Variants in ZNF850 observed in about 807,000 individuals in gnomAD.
ZNF850 encodes the protein putative zinc finger protein ENSP00000330994.
In ZNF850, 2 loss-of-function variants were observed where a neutral mutation model predicts 11.9. That is an observed-to-expected ratio of 0.17 (90% CI 0.07 to 0.53). The LOEUF is 0.53. Ranked by LOEUF, ZNF850 falls within the 20% of genes least tolerant of loss-of-function variation. The pLI, the probability that ZNF850 is intolerant of heterozygous loss-of-function variation, is 0.94. For synonymous variants in ZNF850, 381 were observed against 443.0 expected (o/e 0.86, Z 1.76); for missense variants, 1,014 against 1,316.4 (o/e 0.77, Z 3.55).
rs750764589 is a variant in ZNF850, at chr19:36,747,921, G to A, written c.3119C>T (p.Pro1040Leu). The change falls in exon 5 of 5, where the codon CCG (proline) becomes CTG (leucine). Residue 1040 changes from proline to leucine, a missense_variant. Around this residue, in one of 2 missense-constraint regions of ZNF850, gnomAD observed 179 missense variants for 294.4 expected, o/e 0.61. Transcript: ENST00000591344. ...ATAGAAAAAGGCTTTCCCACATTCC[G>A]GACATTGATAAGTTTTCTCACCAGT... ...IHTGEKTYQC[P>L]ECGKAFFYAS... is the part of the protein sequence containing the mutation. The A allele has an allele frequency of 3.1e-5, 49 of 1,562,996 alleles. 1 individual carries two copies. Among genetic ancestry groups the A allele is most frequent in the Middle Eastern group, 1.7e-4 (1 of 6,042 alleles).
At chr19:36,766,331 CA>C (rs2040549418) in intron 1 of ZNF850, among the ~76,000 whole-genome samples, 2 of 151,942 alleles carry the variant, frequency 1.3e-5, no homozygotes, top group South Asian at 2.1e-4. Flanking sequence ...TTGAGGGAGA[CA>C]GGGAAAAGAG....
chr19:36,753,246 G>A (rs1304269273), intron 4 of ZNF850, among the ~76,000 whole-genome samples: 69 of 146,436 alleles, frequency 4.7e-4, no homozygotes, highest in African/African-American at 1.7e-3. Flanking sequence ...TCCAGCCTGG[G>A]CGACAGAGCG....
chr19:36,768,069 T>C (rs1292347432), intron 1 of ZNF850, among the ~76,000 whole-genome samples: 2 of 152,020 alleles, frequency 1.3e-5, no homozygotes, highest in African/African-American at 2.4e-5. Context: ...AAGTCAAGCC[T>C]GGGAAATATA....
rs2040594444 is a variant in ZNF850 at position 36,772,791 on chromosome 19, G to A, written c.-136C>T. The A allele has an allele frequency of 6.6e-6, 1 of 152,332 alleles. No individual in the cohort carries two copies. 9.4% of individuals were successfully genotyped at this position (152,332 alleles called of 1,614,324 possible). ...GTTCCTCAGGACTCCAAGGCGCGGC[G>A]GCAGCTAAATCGGCACAGCAAACGG... On this transcript the variant is annotated 5_prime_UTR_variant, in exon 1 of 5. Coordinates refer to ENST00000591344, the MANE Select transcript of ZNF850 (RefSeq NM_001193552.2).
chr19:36,748,968 T>C lies in ZNF850; in HGVS notation c.2072A>G (p.His691Arg), dbSNP rs2040432607. 6 of 1,598,834 alleles carry C rather than the reference T, an allele frequency of 3.8e-6. No individual in the cohort carries two copies. The highest frequency in any genetic ancestry group is 1.1e-5 in the South Asian group (1 of 89,712). ...AFRQRTYLNQHRRIHTGEKPY... is the reference protein window; with the variant it reads ...AFRQRTYLNQRRRIHTGEKPY... ...TTTCTCACCAGTATGAATTCTCCGA[T>C]GTTGATTAAGGTATGTACGCTGTCT... Residue 691 changes from histidine to arginine, a missense_variant, in exon 5 of 5, where the codon CAT becomes CGT. Physicochemically the swap from His to Arg is conservative, Grantham distance 29. Coordinates refer to ENST00000591344, the MANE Select transcript of ZNF850 (RefSeq NM_001193552.2).
intron 1 of ZNF850, among the ~76,000 whole-genome samples, chr19:36,768,825 T>C (rs2040563475): frequency 6.6e-6 from 1 of 151,940 alleles, no homozygotes; most frequent in African/African-American, 2.4e-5. Flanking sequence ...TAGCCCAGCA[T>C]GGTGCCATAT....
chr19:36,767,363 C>A (rs145947199), intron 1 of ZNF850, among the ~76,000 whole-genome samples: 70 of 152,076 alleles, frequency 4.6e-4, no homozygotes, highest in African/African-American at 1.4e-3. Flanking sequence ...TCCAGACCAG[C>A]CTGGCCAACA....
rs1189973371 is a variant in ZNF850, at chr19:36,747,871, T to A, written c.3169A>T (p.Ser1057Cys). Residue 1057 changes from serine (S) to cysteine (C), a missense_variant, in exon 5 of 5, where the codon AGT (serine) becomes TGT (cysteine). Coordinates refer to ENST00000591344, the MANE Select transcript of ZNF850 (RefSeq NM_001193552.2). Reference protein sequence around the residue: ...FYASGLSRHQSVHTGEKPYEC... With the variant: ...FYASGLSRHQCVHTGEKPYEC... The stretch of plus-strand genomic sequence containing the variant: ...TAGGGTTTCTCGCCAGTGTGAACAC[T>A]CTGATGTCGGCTGAGTCCTGAGGCA... 6.3e-7 allele frequency: 1 copy of A among 1,579,876 alleles called. No homozygotes were observed. Among genetic ancestry groups the A allele is most frequent in the Non-Finnish European group, 8.6e-7 (1 of 1,166,648 alleles).
chr19:36,743,717 G>A lies in ZNF850; in HGVS notation c.*4050C>T, dbSNP rs539965055. 6 of 152,114 alleles carry A rather than the reference G, an allele frequency of 3.9e-5. No homozygotes were observed. The South Asian group carries it at 1.2e-3, about 32-fold the overall frequency. 9.4% of individuals were successfully genotyped at this position (152,114 alleles called of 1,614,324 possible). On this transcript the variant is annotated 3_prime_UTR_variant, in exon 5 of 5. Coordinates refer to ENST00000591344, the MANE Select transcript of ZNF850 (RefSeq NM_001193552.2). The stretch of plus-strand genomic sequence containing the variant: ...TAGAAATAAGTAAAACAAGAAATGT[G>A]TACACTTTTATGCTAAAAATATAAA...
rs2040426020 is a variant in ZNF850, at chr19:36,748,313, A to G, written c.2727T>C (p.Arg909=). ...TTCGTTGATGTTGAGTAAGTTTTGA[A>G]CGACGTCTAAAGGCCTTGCCACATT... ...CKECGKAFRR[R]SKLTQHQRIH... The change falls in exon 5 of 5, where the codon CGT becomes CGC. Residue 909 remains arginine, a synonymous_variant. Transcript: ENST00000591344. The G allele has an allele frequency of 6.3e-7, 1 of 1,584,496 alleles. No homozygotes were observed. Among genetic ancestry groups the G allele is most frequent in the Non-Finnish European group, 8.6e-7 (1 of 1,168,662 alleles).
chr19:36,753,422 C>CA (rs58851544), intron 4 of ZNF850, among the ~76,000 whole-genome samples: 8,605 of 46,274 alleles, frequency 0.19, 2,030 homozygotes, highest in Non-Finnish European at 0.26. Flanking sequence ...GACACTGTCT[C>CA]AAAAAAAAAA....
At chr19:36,766,735 C>T (rs925693941) in intron 1 of ZNF850, among the ~76,000 whole-genome samples, 1 of 152,194 alleles carries the variant, frequency 6.6e-6, no homozygotes, top group Non-Finnish European at 1.5e-5. Context: ...AAACGCTAAT[C>T]TATTTGAATG....
chr19:36,755,867 A>C (rs1169444787), intron 4 of ZNF850, among the ~76,000 whole-genome samples: 1 of 151,390 alleles, frequency 6.6e-6, no homozygotes, highest in African/African-American at 2.4e-5. Flanking sequence ...CTAGTAAATA[A>C]AGTAACTACA....
intron 1 of ZNF850, among the ~76,000 whole-genome samples, chr19:36,771,501 G>A (rs1353694936): frequency 6.8e-6 from 1 of 147,028 alleles, no homozygotes; most frequent in Non-Finnish European, 1.5e-5. Flanking sequence ...CCAATTAGGG[G>A]CTGAAGTGAA....
chr19:36,746,265 T>G lies in ZNF850; in HGVS notation c.*1502A>C, dbSNP rs1168609139. ...TTTCTCATTGTTGTTATATCTGTTA[T>G]GGTGGCCTATGATTATCTTAGGCAC... On this transcript the variant is annotated 3_prime_UTR_variant, in exon 5 of 5. Transcript: ENST00000591344. The G allele has an allele frequency of 1.3e-5, 2 of 152,236 alleles. No homozygotes were observed. The allele number at this position is 152,236 out of a possible 1,614,324, so 9.4% of individuals were successfully genotyped here.
intron 4 of ZNF850, among the ~76,000 whole-genome samples, chr19:36,754,704 T>C (rs1034479252): frequency 2.7e-4 from 41 of 152,046 alleles, no homozygotes; most frequent in Admixed American, 1.1e-3. Flanking sequence ...TACAGGCGCC[T>C]GCCACCACGC....
chr19:36,772,122 T>C (rs374036760), intron 1 of ZNF850, among the ~76,000 whole-genome samples: 6 of 152,194 alleles, frequency 3.9e-5, no homozygotes, highest in African/African-American at 1.4e-4. Context: ...CAAAGGCGTT[T>C]CTATGTTGGG....
chr19:36,763,748 G>T (rs1218615785), intron 1 of ZNF850, among the ~76,000 whole-genome samples: 1 of 151,804 alleles, frequency 6.6e-6, no homozygotes, highest in Non-Finnish European at 1.5e-5. Flanking sequence ...TGGGCAATGT[G>T]GCAAAACCCC....
At chr19:36,771,344 C>T (rs751975800) in intron 1 of ZNF850, among the ~76,000 whole-genome samples, 2 of 152,124 alleles carry the variant, frequency 1.3e-5, no homozygotes, top group Non-Finnish European at 2.9e-5. Flanking sequence ...GGGACCTTAG[C>T]CCGGGACCAA....
Sources: allele counts gnomAD v4.1 joint callset (sites outside exome capture counted in the v4.1 genomes callset), GRCh38; gene constraint gnomAD v4.1.1; regional missense constraint gnomAD v4.1.1; transcripts MANE v1.5; gene names NCBI Gene and HGNC (gene_info 2026-07-23, HGNC 2026-07-21).